Variants in UBE2V1 observed in about 807,000 individuals in gnomAD.
UBE2V1 encodes ubiquitin conjugating enzyme E2 V1, also known as ubiquitin-conjugating enzyme E2 variant 1.
A neutral mutation model predicts 19.6 loss-of-function variants in UBE2V1; 15 were observed. The ratio of observed to expected loss-of-function variants is 0.77; its 90% CI spans 0.51 to 1.18. The LOEUF is 1.18. Ranked by LOEUF, UBE2V1 falls within the 50% of genes most tolerant of loss-of-function variation. The probability of loss-of-function intolerance (pLI) is 0.00; values close to 1 mark genes in which losing one functional copy is unlikely to be tolerated. For missense variants in UBE2V1, 125 were observed against 184.8 expected (o/e 0.68, Z 1.88); for synonymous variants, 60 against 60.7 (o/e 0.99, Z 0.05).
At chr20:50,100,828 G>A (rs766800600) in intron 1 of UBE2V1, among the ~76,000 whole-genome samples, 29 of 152,152 alleles carry the variant, frequency 1.9e-4, no homozygotes, top group Non-Finnish European at 3.2e-4. Flanking sequence ...ATGGCTGAAA[G>A]GTTACCTTTT....
chr20:50,089,839 T>G (rs1349013408), intron 2 of UBE2V1, among the ~76,000 whole-genome samples: 1 of 152,196 alleles, frequency 6.6e-6, no homozygotes, highest in African/African-American at 2.4e-5. Flanking sequence ...ATGATCCTAA[T>G]AGAAAATAAA....
At chr20:50,105,501 C>T (rs957826869) in intron 1 of UBE2V1, among the ~76,000 whole-genome samples, 1 of 152,086 alleles carries the variant, frequency 6.6e-6, no homozygotes, top group Non-Finnish European at 1.5e-5. Flanking sequence ...GATGAGAAAA[C>T]CCAAGAATAC....
intron 1 of UBE2V1, among the ~76,000 whole-genome samples, chr20:50,106,698 C>A (rs541893603): frequency 2.5e-3 from 109 of 44,046 alleles, no homozygotes; most frequent in African/African-American, 0.015. Flanking sequence ...GGCGTGGTGG[C>A]GCATGCCTGT....
At chr20:50,101,571 CAAAAAAAA>C (rs11481618) in intron 1 of UBE2V1, among the ~76,000 whole-genome samples, 2,482 of 71,222 alleles carry the variant, frequency 0.035, 70 homozygotes, top group African/African-American at 0.11. Context: ...CATTTATAAG[CAAAAAAAA>C]AAAAAAAAAA....
At position 50,102,256 on chromosome 20, in the gene UBE2V1, AAAC is replaced by A. The variant is rs758013996; in HGVS notation, c.23-5439_23-5437del. 1.9e-3 allele frequency among the ~76,000 whole-genome samples: 283 copies of A among 152,326 alleles called. 2 individuals are homozygous for A. Among genetic ancestry groups the A allele is most frequent in the African/African-American group, 4.1e-3 (171 of 41,582 alleles). ...TGCATGACTGTGGTGGTAGTTCAAA[AAAC>A]AACAACAACAAAAAACAAAAAAACT... On this transcript the variant is annotated intron_variant, in intron 1 of 3. Coordinates refer to ENST00000371674, the MANE Select transcript of UBE2V1 (RefSeq NM_001032288.3).
chr20:50,084,490 A>G (rs1172667588), intron 2 of UBE2V1: 4 of 678,798 alleles, frequency 5.9e-6, no homozygotes, highest in African/African-American at 3.5e-5. Context: ...GTACCAGTGA[A>G]GTTTTTAGTA....
At chr20:50,091,274 G>A (rs1453422764) in intron 2 of UBE2V1, among the ~76,000 whole-genome samples, 1 of 151,654 alleles carries the variant, frequency 6.6e-6, no homozygotes, top group African/African-American at 2.4e-5. Context: ...CTCGACTCCT[G>A]ACCTCAAGTG....
intron 2 of UBE2V1, among the ~76,000 whole-genome samples, chr20:50,085,317 C>T (rs1012688413): frequency 6.6e-6 from 1 of 152,118 alleles, no homozygotes; most frequent in African/African-American, 2.4e-5. Flanking sequence ...GCTCTGTTGC[C>T]CGGCTGTTCC....
intron 1 of UBE2V1, among the ~76,000 whole-genome samples, chr20:50,106,884 AAAAC>A (rs1206247133): frequency 4.6e-5 from 7 of 150,814 alleles, no homozygotes; most frequent in African/African-American, 1.7e-4. Flanking sequence ...CAAAAAAAAA[AAAAC>A]AAAAAAAAGG....
At chr20:50,090,009 C>T (rs992025755) in intron 2 of UBE2V1, among the ~76,000 whole-genome samples, 8 of 152,222 alleles carry the variant, frequency 5.3e-5, no homozygotes, top group Non-Finnish European at 1.2e-4. Flanking sequence ...CCAGCAGCAG[C>T]AGAGGGGGCA....
intron 2 of UBE2V1, among the ~76,000 whole-genome samples, chr20:50,086,944 G>T (rs2078948818): frequency 6.6e-6 from 1 of 152,090 alleles, no homozygotes; most frequent in African/African-American, 2.4e-5. Flanking sequence ...GGGTGTGGTT[G>T]TGGGCGCCTA....
upstream of UBE2V1, among the ~76,000 whole-genome samples, chr20:50,113,966 A>C (rs1463589283): frequency 6.6e-6 from 1 of 152,178 alleles, no homozygotes; most frequent in African/African-American, 2.4e-5. Context: ...TATAATTCTG[A>C]TAGGGTAGAG....
At chr20:50,110,720 T>C (rs1329472134) in intron 1 of UBE2V1, among the ~76,000 whole-genome samples, 2 of 152,252 alleles carry the variant, frequency 1.3e-5, no homozygotes, top group Non-Finnish European at 2.9e-5. Context: ...CAGACACTTG[T>C]TTGATGGCTT....
intron 1 of UBE2V1, among the ~76,000 whole-genome samples, chr20:50,099,826 G>A (rs1366671373): frequency 6.6e-6 from 1 of 152,190 alleles, no homozygotes; most frequent in Non-Finnish European, 1.5e-5. Context: ...GGTCAGCTGG[G>A]TATGGCAGCT....
intron 1 of UBE2V1, among the ~76,000 whole-genome samples, chr20:50,099,270 A>G (rs1374184101): frequency 6.6e-6 from 1 of 152,160 alleles, no homozygotes; most frequent in African/African-American, 2.4e-5. Flanking sequence ...AGTACCTCAG[A>G]ATGTGACAAA....
intron 1 of UBE2V1, among the ~76,000 whole-genome samples, chr20:50,099,167 A>C (rs1327628392): frequency 3.3e-5 from 5 of 152,114 alleles, no homozygotes; most frequent in African/African-American, 4.8e-5. Context: ...ATTGATAGGA[A>C]GGCTGATGAC....
chr20:50,104,642 T>C (rs1432720111), intron 1 of UBE2V1, among the ~76,000 whole-genome samples: 4 of 103,068 alleles, frequency 3.9e-5, no homozygotes, highest in Non-Finnish European at 7.0e-5. Flanking sequence ...AGGGCGACAG[T>C]GAGACTCTGG....
intron 3 of UBE2V1, chr20:50,083,679 T>C (rs1001966076): frequency 1.9e-5 from 3 of 154,038 alleles, no homozygotes; most frequent in African/African-American, 7.2e-5. Flanking sequence ...ATATTTACTG[T>C]TGCCATTATT....
At chr20:50,084,891 C>CTTT (rs200222788) in intron 2 of UBE2V1, 1,206 of 109,260 alleles carry the variant, frequency 0.011, 28 homozygotes, top group East Asian at 0.04. Flanking sequence ...GAAAAGCAGT[C>CTTT]TTTTTTTTTT....
Sources: gnomAD v4.1 joint callset for allele counts (sites outside exome capture counted in the v4.1 genomes callset) on GRCh38, gnomAD v4.1.1 for gene constraint, MANE v1.5 for transcripts, NCBI Gene and HGNC (gene_info 2026-07-23, HGNC 2026-07-21) for gene names.